NRXN1: variants seen among roughly 807,000 people sequenced by gnomAD.
NRXN1 encodes neurexin-1.
In NRXN1, 39 loss-of-function variants were observed where a neutral mutation model predicts 150.9. The ratio of observed to expected loss-of-function variants is 0.26; its 90% CI spans 0.20 to 0.34. The LOEUF (loss-of-function observed/expected upper bound fraction) is 0.34. Among genes scored for constraint, NRXN1 ranks in the 10% least tolerant of loss-of-function variants. The probability of loss-of-function intolerance (pLI) is 1.00; values close to 1 mark genes in which losing one functional copy is unlikely to be tolerated. For synonymous variants in NRXN1, 924 were observed against 757.0 expected (o/e 1.22, Z -3.62); for missense variants, 1,815 against 1,949.9 (o/e 0.93, Z 1.30).
In NRXN1 at chr2:50,333,662, T is replaced by G. The variant is rs192709681; in HGVS notation, c.3365-96692A>C. On this transcript the variant is annotated intron_variant, in intron 17 of 22. Coordinates refer to ENST00000401669, the MANE Select transcript of NRXN1 (RefSeq NM_001330078.2). ...TGTCTGAAAGAACACAAGGCAGGCA[T>G]GTTAAGTGTGAAAGACAGCAGAATG... Among the ~76,000 whole-genome samples, 779 of 151,920 alleles carry G rather than the reference T, an allele frequency of 5.1e-3. 5 individuals are homozygous for G. The highest frequency in any genetic ancestry group is 0.018 in the African/African-American group (749 of 41,422).
At chr2:49,983,523 T>C (rs1218467717) in intron 21 of NRXN1, among the ~76,000 whole-genome samples, 1 of 152,172 alleles carries the variant, frequency 6.6e-6, no homozygotes, top group Non-Finnish European at 1.5e-5. Context: ...ACATTTTTAA[T>C]ACCTTTGCTG....
rs537271706 is a variant in NRXN1, at chr2:50,245,495, T to C, written c.3365-8525A>G. On this transcript the variant is annotated intron_variant, in intron 17 of 22. Transcript: ENST00000401669. ...CTCAGTAATCAATTTGTATTAAAGC[T>C]ATAGGCAGCAGGGATAGGAAGAAAA... Among the ~76,000 whole-genome samples, 3 of 152,026 alleles carry C rather than the reference T, an allele frequency of 2.0e-5. 1 individual carries two copies. Among genetic ancestry groups the C allele is most frequent in the African/African-American group, 7.2e-5 (3 of 41,538 alleles).
At chr2:50,625,631 A>G (rs2104328485) in intron 5 of NRXN1, among the ~76,000 whole-genome samples, 1 of 152,196 alleles carries the variant, frequency 6.6e-6, no homozygotes, top group Admixed American at 6.6e-5. Context: ...TATTGGGCAC[A>G]AGTACAACTA....
chr2:49,994,330 T>C (rs1307719107), intron 21 of NRXN1, among the ~76,000 whole-genome samples: 3 of 152,186 alleles, frequency 2.0e-5, no homozygotes, highest in Admixed American at 1.3e-4. Context: ...GCCTCTTTCT[T>C]TCTCTATTGG....
chr2:51,013,656 C>G (rs551997042), intron 2 of NRXN1, among the ~76,000 whole-genome samples: 1 of 152,074 alleles, frequency 6.6e-6, no homozygotes, highest in South Asian at 2.1e-4. Flanking sequence ...GAACCTTAAG[C>G]AATTTAAAAC....
At chr2:50,741,408 T>C (rs1699410099) in intron 5 of NRXN1, among the ~76,000 whole-genome samples, 1 of 152,176 alleles carries the variant, frequency 6.6e-6, no homozygotes, top group African/African-American at 2.4e-5. Context: ...TATTCTCTAT[T>C]CTCTCCTCTG....
At chr2:50,639,036 A>T (rs1683655219) in intron 5 of NRXN1, among the ~76,000 whole-genome samples, 1 of 152,002 alleles carries the variant, frequency 6.6e-6, no homozygotes, top group South Asian at 2.1e-4. Flanking sequence ...TGGAAAACAC[A>T]AACGTTATTC....
chr2:50,033,798 A>G (rs1348130502), intron 21 of NRXN1, among the ~76,000 whole-genome samples: 1 of 151,910 alleles, frequency 6.6e-6, no homozygotes, highest in Non-Finnish European at 1.5e-5. Flanking sequence ...CACAAACCCA[A>G]TTAAAAAGTG....
At chr2:50,164,764 G>C (rs2059571600) in intron 18 of NRXN1, among the ~76,000 whole-genome samples, 1 of 152,244 alleles carries the variant, frequency 6.6e-6, no homozygotes, top group East Asian at 1.9e-4. Context: ...AAAAGAGAAA[G>C]AGACAACGCA....
intron 13 of NRXN1, among the ~76,000 whole-genome samples, chr2:50,501,830 T>C (rs989016467): frequency 3.3e-5 from 5 of 152,150 alleles, no homozygotes; most frequent in Admixed American, 2.6e-4. Context: ...GGTGCAAACA[T>C]TCCCAAGAAC....
rs528908354 is a variant in NRXN1, at chr2:50,497,812, C to A, written c.2498-98G>T. 13 of 1,103,324 alleles carry A rather than the reference C, an allele frequency of 1.2e-5. No homozygotes were observed. In the East Asian group the frequency reaches 1.2e-4, roughly 10 times the overall value. The allele number at this position is 1,103,324 out of a possible 1,614,324, so 68.3% of individuals were successfully genotyped here. ...TATCACATTCTAAAATACAAGGAGC[C>A]AAATCCCTCCTTGGTACTCAGTTGC... On this transcript the variant is annotated intron_variant, in intron 13 of 22. Transcript: ENST00000401669.
chr2:50,810,590 T>C (rs1668079046), intron 5 of NRXN1, among the ~76,000 whole-genome samples: 1 of 152,180 alleles, frequency 6.6e-6, no homozygotes, highest in East Asian at 1.9e-4. Context: ...TCCACACATA[T>C]ATTCAACTTC....
intron 5 of NRXN1, among the ~76,000 whole-genome samples, chr2:50,644,580 C>T (rs1455221443): frequency 6.6e-6 from 1 of 151,398 alleles, no homozygotes; most frequent in East Asian, 1.9e-4. Flanking sequence ...AAATAAAATT[C>T]TCTATTACCA....
chr2:50,420,328 T>A (rs527321552), intron 17 of NRXN1, among the ~76,000 whole-genome samples: 1 of 152,070 alleles, frequency 6.6e-6, no homozygotes, highest in Non-Finnish European at 1.5e-5. Context: ...CCAGCAGTCA[T>A]TAAATAGGCC....
intron 5 of NRXN1, among the ~76,000 whole-genome samples, chr2:50,694,406 G>C (rs1438217751): frequency 6.6e-6 from 1 of 152,126 alleles, no homozygotes; most frequent in African/African-American, 2.4e-5. Context: ...CCATAAATCA[G>C]TCAACTTCTA....
chr2:49,946,939 C>T (rs976189859), intron 21 of NRXN1, among the ~76,000 whole-genome samples: 10 of 152,042 alleles, frequency 6.6e-5, no homozygotes, highest in South Asian at 2.1e-4. Flanking sequence ...GCAATTGGCA[C>T]GATAATCATG....
intron 2 of NRXN1, among the ~76,000 whole-genome samples, chr2:50,990,082 G>A (rs1406547269): frequency 6.6e-6 from 1 of 151,902 alleles, no homozygotes; most frequent in Non-Finnish European, 1.5e-5. Flanking sequence ...ATGATGTTGA[G>A]CATCTTTTGC....
intron 9 of NRXN1, among the ~76,000 whole-genome samples, chr2:50,543,744 G>A (rs2093436099): frequency 6.6e-6 from 1 of 151,910 alleles, no homozygotes; most frequent in Admixed American, 6.6e-5. Flanking sequence ...TATTTTTATT[G>A]TCTGTTCTAC....
chr2:50,034,039 TGGG>T, intron 21 of NRXN1, among the ~76,000 whole-genome samples: 1 of 151,336 alleles, frequency 6.6e-6, no homozygotes, highest in Non-Finnish European at 1.5e-5. Flanking sequence ...TATACACTGT[TGGG>T]GGGAGTGTAA....
Sources: gnomAD v4.1 joint callset for allele counts (sites outside exome capture counted in the v4.1 genomes callset) on GRCh38, gnomAD v4.1.1 for gene constraint, MANE v1.5 for transcripts, NCBI Gene and HGNC (gene_info 2026-07-23, HGNC 2026-07-21) for gene names.